The following PCDHGB1 variants were observed in gnomAD, a reference collection of about 807,000 sequenced individuals.
The protein encoded by PCDHGB1 is protocadherin gamma subfamily B, 1, also known as protocadherin gamma-B1.
A neutral mutation model predicts 56.6 loss-of-function variants in PCDHGB1; 34 were observed. The observed-to-expected ratio is 0.60, with a 90% CI of 0.46 to 0.80. PCDHGB1 has a LOEUF of 0.80. Among genes scored for constraint, PCDHGB1 ranks in the 30% least tolerant of loss-of-function variants. The probability of loss-of-function intolerance (pLI) is 0.00; values close to 1 mark genes in which losing one functional copy is unlikely to be tolerated. For missense variants in PCDHGB1, 1,278 were observed against 1,204.6 expected (o/e 1.06, Z -0.90); for synonymous variants, 561 against 505.9 (o/e 1.11, Z -1.46).
chr5:141,498,523 G>A (rs555386753), intron 2 of PCDHGB1, among the ~76,000 whole-genome samples: 1 of 151,580 alleles, frequency 6.6e-6, no homozygotes, highest in Admixed American at 6.6e-5. Context: ...CTTGCCCACT[G>A]CCCTCCAGCC....
chr5:141,406,555 A>G (rs2094824314), intron 1 of PCDHGB1, among the ~76,000 whole-genome samples: 1 of 152,224 alleles, frequency 6.6e-6, no homozygotes. Context: ...TCAGTTATCC[A>G]CTTCCAAACC....
chr5:141,419,368 C>T, intron 1 of PCDHGB1: 1 of 1,613,776 alleles, frequency 6.2e-7, no homozygotes, highest in Non-Finnish European at 8.5e-7. Context: ...CGCTGTCGTC[C>T]TACGTGTCCG....
In PCDHGB1 at chr5:141,462,383, G is replaced by A. The variant is rs78537075; in HGVS notation, c.2410-32424G>A. Among the ~76,000 whole-genome samples the A allele has an allele frequency of 5.6e-4, 85 of 151,920 alleles. 1 individual carries two copies. In the East Asian group the frequency reaches 0.016, roughly 29 times the overall value. ...GTATAGTTTCTATTCTTTTAAATTC[G>A]TTAACATTTCTTTTATGGCACAGAA... On this transcript the variant is annotated intron_variant, in intron 1 of 3. Transcript: ENST00000523390.
At chr5:141,417,456 G>A (rs1354162154) in intron 1 of PCDHGB1, 1 of 177,626 alleles carries the variant, frequency 5.6e-6, no homozygotes, top group Non-Finnish European at 1.2e-5. Context: ...TTATGACCAA[G>A]TGGAAATATA....
At chr5:141,405,767 T>C (rs957910070) in intron 1 of PCDHGB1, among the ~76,000 whole-genome samples, 2 of 152,128 alleles carry the variant, frequency 1.3e-5, no homozygotes, top group African/African-American at 4.8e-5. Flanking sequence ...CGTGAGCCAC[T>C]GCGCCTGGCC....
chr5:141,426,754 T>C, intron 1 of PCDHGB1: 1 of 456,314 alleles, frequency 2.2e-6, no homozygotes, highest in Non-Finnish European at 4.4e-6. Context: ...GAATCTGCTA[T>C]AGATGCAGAT....
Position 141,476,562 on chromosome 5 carries a change from C to G in PCDHGB1, c.2410-18245C>G. 1 of 1,614,218 alleles carries G rather than the reference C, an allele frequency of 6.2e-7. No individual in the cohort carries two copies. The highest frequency in any genetic ancestry group is 1.1e-5 in the South Asian group (1 of 91,088). On this transcript the variant is annotated intron_variant, in intron 1 of 3. Transcript: ENST00000523390. This position sits in a 1 kb window ranked among gnomAD's most constrained non-coding sequence, Gnocchi z 7.6. The stretch of plus-strand genomic sequence containing the variant: ...AAATTGGAGATTAGCGAGGCCGTGG[C>G]TCCGGGGACGCGCTTTCCGCTCGAG...
At chr5:141,448,990 T>C (rs1419678645) in intron 1 of PCDHGB1, among the ~76,000 whole-genome samples, 1 of 152,070 alleles carries the variant, frequency 6.6e-6, no homozygotes, top group Non-Finnish European at 1.5e-5. Flanking sequence ...TATTAATATA[T>C]AGAAAGCTGT....
chr5:141,373,898 A>T (rs1039826496), intron 1 of PCDHGB1: 1 of 541,044 alleles, frequency 1.8e-6, no homozygotes, highest in Non-Finnish European at 3.1e-6. Context: ...CTCAAGTTAC[A>T]TCCTCCAACA....
At chr5:141,504,643 G>A (rs1049421626) in intron 2 of PCDHGB1, among the ~76,000 whole-genome samples, 3 of 124,276 alleles carry the variant, frequency 2.4e-5, no homozygotes, top group African/African-American at 9.0e-5. Flanking sequence ...AAGGTTTGAT[G>A]ATAGAGTGTT....
At chr5:141,374,204 A>G in intron 1 of PCDHGB1, 1 of 1,613,902 alleles carries the variant, frequency 6.2e-7, no homozygotes. Flanking sequence ...GGAGCTGGAG[A>G]AAGGCTCCTT....
At chr5:141,442,674 A>G (rs2098335634) in intron 1 of PCDHGB1, among the ~76,000 whole-genome samples, 1 of 152,272 alleles carries the variant, frequency 6.6e-6, no homozygotes, top group Non-Finnish European at 1.5e-5. Context: ...GGTGAGCTTG[A>G]GGGACAGTAG....
intron 3 of PCDHGB1, among the ~76,000 whole-genome samples, chr5:141,506,298 A>C (rs887906455): frequency 6.6e-6 from 1 of 151,936 alleles, no homozygotes; most frequent in Non-Finnish European, 1.5e-5. Context: ...AAAATACAAA[A>C]ATTAGCTGGG....
chr5:141,384,491 G>A (rs1370590293), intron 1 of PCDHGB1: 7 of 1,614,160 alleles, frequency 4.3e-6, no homozygotes, highest in East Asian at 4.5e-5. Flanking sequence ...CTACAACTAA[G>A]AGTGACTGCA....
At chr5:141,357,490 C>T in intron 1 of PCDHGB1, 1 of 1,614,218 alleles carries the variant, frequency 6.2e-7, no homozygotes, top group Non-Finnish European at 8.5e-7. Flanking sequence ...CGCGGACTCG[C>T]GGAAGAGTCA....
rs1316640191 is a variant in PCDHGB1, at chr5:141,351,597, C to T, written c.1337C>T (p.Pro446Leu). Residue 446 changes from proline (P) to leucine (L), a missense_variant, in exon 1 of 4, where the codon CCT (proline) becomes CTT (leucine). Pro to Leu is a moderately conservative substitution (Grantham distance 98, BLOSUM62 -3). Coordinates refer to ENST00000523390, the MANE Select transcript of PCDHGB1 (RefSeq NM_018922.3). ...LHISDINDNA[P>L]VFHQASYVVH... Reference sequence around the variant, plus strand: ...ATCTCCGACATCAACGACAATGCACCTGTTTTCCATCAGGCCTCCTATGTG... The same window carrying T: ...ATCTCCGACATCAACGACAATGCACTTGTTTTCCATCAGGCCTCCTATGTG... The T allele has an allele frequency of 6.2e-7, 1 of 1,614,084 alleles. No homozygotes were observed. The highest frequency in any genetic ancestry group is 8.5e-7 in the Non-Finnish European group (1 of 1,179,910).
chr5:141,490,313 C>G lies in PCDHGB1; in HGVS notation c.2410-4494C>G. The G allele has an allele frequency of 6.2e-7, 1 of 1,614,222 alleles. No individual in the cohort carries two copies. The highest frequency in any genetic ancestry group is 8.5e-7 in the Non-Finnish European group (1 of 1,180,024). Reference sequence around the variant, plus strand: ...GTGCTATTGGCCTCTTTGGCCAACCCTGTCCTAGAGAGCACACCAGTGGGC... The same window carrying G: ...GTGCTATTGGCCTCTTTGGCCAACCGTGTCCTAGAGAGCACACCAGTGGGC... On this transcript the variant is annotated intron_variant, in intron 1 of 3. Transcript: ENST00000523390. The surrounding 1 kb of genome is among the most constrained non-coding windows in gnomAD (Gnocchi z 5.4).
At chr5:141,416,641 C>A (rs996381588) in intron 1 of PCDHGB1, 1 of 152,056 alleles carries the variant, frequency 6.6e-6, no homozygotes, top group Non-Finnish European at 1.5e-5. Context: ...AAACACCAAC[C>A]ACAGCTGTAA....
At chr5:141,361,246 A>T in intron 1 of PCDHGB1, 1 of 1,613,980 alleles carries the variant, frequency 6.2e-7, no homozygotes, top group South Asian at 1.1e-5. Flanking sequence ...CTTGATAAAA[A>T]CGAGAGACAG....
Sources: gnomAD v4.1 joint callset for allele counts (sites outside exome capture counted in the v4.1 genomes callset) on GRCh38, gnomAD v4.1.1 for gene constraint, Gnocchi (gnomAD v3.1) non-coding constraint, MANE v1.5 for transcripts, NCBI Gene and HGNC (gene_info 2026-07-23, HGNC 2026-07-21) for gene names.